The following GRID1 variants were observed in gnomAD, a reference collection of about 807,000 sequenced individuals.
GRID1 encodes glutamate receptor ionotropic, delta-1.
Under a neutral mutation model 98.0 loss-of-function variants are expected in GRID1, and 28 were observed. The ratio of observed to expected loss-of-function variants is 0.29; its 90% CI spans 0.21 to 0.39. The LOEUF is 0.39. Ranked by LOEUF, GRID1 falls within the 10% of genes least tolerant of loss-of-function variation. The pLI is 1.00. For synonymous variants in GRID1, 553 were observed against 538.5 expected (o/e 1.03, Z -0.37); for missense variants, 1,111 against 1,340.5 (o/e 0.83, Z 2.67).
At position 86,053,983 on chromosome 10, in the gene GRID1, C is replaced by G. The variant is rs563779278; in HGVS notation, c.726+84836G>C. Among the ~76,000 whole-genome samples, 19 of 152,304 alleles carry G rather than the reference C, an allele frequency of 1.2e-4. No homozygotes were observed. In the East Asian group the frequency reaches 2.9e-3, roughly 23 times the overall value. On this transcript the variant is annotated intron_variant, in intron 4 of 15. Transcript: ENST00000327946. ...TTCCCATGTTTTGTAAATAGGCCTT[C>G]TGCCTAAAATGGAACCTTAATAAAG... is the stretch of plus-strand genomic sequence containing the variant.
chr10:86,184,476 T>TTTTTTTTTTTTTTTTTA (rs1845701280), intron 3 of GRID1, among the ~76,000 whole-genome samples: 1 of 150,850 alleles, frequency 6.6e-6, no homozygotes, highest in Non-Finnish European at 1.5e-5. Context: ...TTTTTTTTTT[T>TTTTTTTTTTTTTTTTTA]TTGCATACAG....
At position 86,365,192 on chromosome 10, in the gene GRID1, A is replaced by G. The variant is rs59385257; in HGVS notation, c.80-1096T>C. ...CAGGTTTGGTCACGGGCCCCTGAGG[A>G]GGAATCGTAGCTCTCCGAGCCCAGG... On this transcript the variant is annotated intron_variant, in intron 1 of 15. Coordinates refer to ENST00000327946, the MANE Select transcript of GRID1 (RefSeq NM_017551.3). This position sits in a 1 kb window ranked among gnomAD's most constrained non-coding sequence, Gnocchi z 4.8. Among the ~76,000 whole-genome samples, 45,085 of 151,884 alleles carry G rather than the reference A, an allele frequency of 0.3. 9,680 individuals are homozygous for G. The highest frequency in any genetic ancestry group is 0.59 in the African/African-American group (24,551 of 41,400).
At chr10:86,278,183 A>AAGT (rs1847301003) in intron 2 of GRID1, among the ~76,000 whole-genome samples, 1 of 152,168 alleles carries the variant, frequency 6.6e-6, no homozygotes, top group Admixed American at 6.5e-5. Flanking sequence ...CCAAAGATAT[A>AAGT]AGTAGCTCAA....
chr10:86,196,612 T>C (rs534709619), intron 3 of GRID1, among the ~76,000 whole-genome samples: 16 of 152,218 alleles, frequency 1.1e-4, no homozygotes, highest in African/African-American at 3.4e-4. Context: ...AGCAGCACCA[T>C]TGCCATCTCA....
intron 3 of GRID1, among the ~76,000 whole-genome samples, chr10:86,181,327 G>C (rs2132001267): frequency 6.6e-6 from 1 of 152,100 alleles, no homozygotes; most frequent in East Asian, 1.9e-4. Flanking sequence ...CCAGGACCTG[G>C]CTCTCCCCTG....
At chr10:85,964,232 T>C (rs1014455592) in intron 4 of GRID1, among the ~76,000 whole-genome samples, 4 of 152,138 alleles carry the variant, frequency 2.6e-5, no homozygotes, top group African/African-American at 7.2e-5. Context: ...ATGGACTCAA[T>C]GCTATCCCCC....
chr10:85,837,692 G>T (rs146494330), intron 8 of GRID1, among the ~76,000 whole-genome samples: 1 of 150,694 alleles, frequency 6.6e-6, no homozygotes, highest in African/African-American at 2.4e-5. Context: ...AGTTAGATAA[G>T]CCCACAAAGA....
chr10:86,009,298 C>T lies in GRID1; in HGVS notation c.727-93059G>A, dbSNP rs146203301. On this transcript the variant is annotated intron_variant, in intron 4 of 15. Transcript: ENST00000327946. ...ACATTTCTCAACTCAATACCACAAA[C>T]GAAATTTCTACCCAAGCAACCCACA... 3.8e-4 allele frequency among the ~76,000 whole-genome samples: 58 copies of T among 152,198 alleles called. No homozygotes were observed. The Middle Eastern group carries it at 0.017, about 45-fold the overall frequency.
intron 15 of GRID1, among the ~76,000 whole-genome samples, chr10:85,608,578 C>T (rs951777374): frequency 6.6e-6 from 1 of 152,184 alleles, no homozygotes; most frequent in Admixed American, 6.5e-5. Context: ...ATAGAAAGTG[C>T]TCAATACTTG....
rs1846020138 is a variant in GRID1 at position 86,206,007 on chromosome 10, A to G, written c.520+357T>C. On this transcript the variant is annotated intron_variant, in intron 3 of 15. Transcript: ENST00000327946. This position sits in a 1 kb window ranked among gnomAD's most constrained non-coding sequence, Gnocchi z 4.1. The stretch of plus-strand genomic sequence containing the variant: ...CAGGCAATCGTCCAGTGTGAAGGGC[A>G]CTCTTTGGAGAGGAGACCTCCAGGA... 6.6e-6 allele frequency among the ~76,000 whole-genome samples: 1 copy of G among 151,960 alleles called. No homozygotes were observed. Among genetic ancestry groups the G allele is most frequent in the African/African-American group, 2.4e-5 (1 of 41,344 alleles).
chr10:85,643,844 C>T (rs961934917), intron 13 of GRID1, among the ~76,000 whole-genome samples: 1 of 152,146 alleles, frequency 6.6e-6, no homozygotes, highest in African/African-American at 2.4e-5. Flanking sequence ...AGATTAAATT[C>T]TATACCATGA....
chr10:85,800,278 A>G (rs1056136829), intron 8 of GRID1, among the ~76,000 whole-genome samples: 1 of 152,070 alleles, frequency 6.6e-6, no homozygotes, highest in African/African-American at 2.4e-5. Flanking sequence ...TAATGAGCAT[A>G]TAGTTGCGTA....
intron 2 of GRID1, among the ~76,000 whole-genome samples, chr10:86,337,678 C>T (rs1389713865): frequency 6.8e-6 from 1 of 146,382 alleles, no homozygotes; most frequent in Non-Finnish European, 1.5e-5. Context: ...TGCTAACAGC[C>T]TTTCTCTTCC....
chr10:86,143,486 C>A (rs755477753), intron 3 of GRID1, among the ~76,000 whole-genome samples: 10 of 152,200 alleles, frequency 6.6e-5, no homozygotes, highest in Non-Finnish European at 1.3e-4. Flanking sequence ...CCCCACTGGG[C>A]CACACAGTTA....
intron 3 of GRID1, among the ~76,000 whole-genome samples, chr10:86,181,344 G>T (rs570083803): frequency 6.8e-6 from 1 of 147,192 alleles, no homozygotes; most frequent in African/African-American, 2.6e-5. Flanking sequence ...CCTGGGAAAT[G>T]GAGTGCTTGT....
Position 85,599,606 on chromosome 10 carries a change from G to A in GRID1, c.*2667C>T, listed in dbSNP as rs1842541073. ...CTGATTATTATTTGCAGTGTCTGAA[G>A]GCACAAAATATACCTAAAATGTATG... On this transcript the variant is annotated 3_prime_UTR_variant, in exon 16 of 16. Transcript: ENST00000327946. 6.6e-6 allele frequency: 1 copy of A among 151,688 alleles called. No individual in the cohort carries two copies. Among genetic ancestry groups the A allele is most frequent in the Non-Finnish European group, 1.5e-5 (1 of 67,932 alleles). The allele number at this position is 151,688 out of a possible 1,614,324, so 9.4% of individuals were successfully genotyped here. A position where few individuals can be genotyped will look rare whatever the true frequency, so the allele number is the denominator to read the frequency against.
At chr10:85,659,802 T>C (rs977153506) in intron 12 of GRID1, among the ~76,000 whole-genome samples, 2 of 152,192 alleles carry the variant, frequency 1.3e-5, no homozygotes, top group African/African-American at 4.8e-5. Flanking sequence ...TGCTGTTACA[T>C]GGGCTAGCGC....
chr10:86,352,184 C>A (rs1199150789), intron 2 of GRID1, among the ~76,000 whole-genome samples: 1 of 152,186 alleles, frequency 6.6e-6, no homozygotes, highest in East Asian at 1.9e-4. Context: ...GAGAGTCACC[C>A]ATCCTCAGAG....
intron 4 of GRID1, among the ~76,000 whole-genome samples, chr10:86,122,210 C>G (rs531247412): frequency 6.6e-6 from 1 of 152,342 alleles, no homozygotes; most frequent in Non-Finnish European, 1.5e-5. Flanking sequence ...CTTTATTTTA[C>G]CAGTAGACAC....
Sources: allele counts gnomAD v4.1 joint callset (sites outside exome capture counted in the v4.1 genomes callset), GRCh38; gene constraint gnomAD v4.1.1; non-coding constraint Gnocchi (gnomAD v3.1); transcripts MANE v1.5; gene names NCBI Gene and HGNC (gene_info 2026-07-23, HGNC 2026-07-21).